The following CAPZA1 variants were observed in gnomAD, a reference collection of about 807,000 sequenced individuals.
CAPZA1 encodes the protein capping actin protein of muscle Z-line subunit alpha 1, also known as F-actin-capping protein subunit alpha-1.
CAPZA1 carries 10 observed loss-of-function variants against 40.8 expected under a neutral mutation model. The ratio of observed to expected loss-of-function variants is 0.25; its 90% CI spans 0.15 to 0.42. The LOEUF (loss-of-function observed/expected upper bound fraction) is 0.42, where lower values mean the gene tolerates loss of function less well. Ranked by LOEUF, CAPZA1 falls within the 10% of genes least tolerant of loss-of-function variation. The pLI, the probability that CAPZA1 is intolerant of heterozygous loss-of-function variation, is 1.00. For synonymous variants in CAPZA1, 98 were observed against 115.0 expected, an observed-to-expected ratio of 0.85 and a Z score of 0.95; for missense variants, 277 against 353.8, an observed-to-expected ratio of 0.78 and a Z score of 1.74.
intron 1 of CAPZA1, among the ~76,000 whole-genome samples, chr1:112,630,446 C>T (rs1192661420): frequency 2.0e-5 from 3 of 152,046 alleles, no homozygotes; most frequent in African/African-American, 7.2e-5. Flanking sequence ...CAGGTTCAAG[C>T]GATTCTCCTG....
At chr1:112,624,023 A>AAAAG (rs1670746416) in intron 1 of CAPZA1, among the ~76,000 whole-genome samples, 1 of 150,026 alleles carries the variant, frequency 6.7e-6, no homozygotes, top group African/African-American at 2.5e-5. Flanking sequence ...AAAAAAAAGA[A>AAAAG]AAAAGAAAAG....
intron 3 of CAPZA1, among the ~76,000 whole-genome samples, chr1:112,650,457 C>T (rs1671363650): frequency 6.6e-6 from 1 of 152,186 alleles, no homozygotes; most frequent in African/African-American, 2.4e-5. Flanking sequence ...CGGAGATATA[C>T]TCTAATGATG....
intron 7 of CAPZA1, among the ~76,000 whole-genome samples, chr1:112,663,074 C>T (rs539529802): frequency 6.6e-6 from 1 of 152,164 alleles, no homozygotes; most frequent in Non-Finnish European, 1.5e-5. Context: ...AAGCGATTCT[C>T]CTGCCTCAGT....
At chr1:112,653,684 G>C in intron 4 of CAPZA1, 23 bp downstream of exon 4, 1 of 1,484,378 alleles carries the variant, frequency 6.7e-7, no homozygotes. Context: ...TTTTAGACAG[G>C]CTATGCCTGG....
At position 112,636,679 on chromosome 1, in the gene CAPZA1, T is replaced by A. The variant is rs1671025996; in HGVS notation, c.40-10531T>A. Among the ~76,000 whole-genome samples the A allele has an allele frequency of 1.3e-5, 2 of 152,146 alleles. 1 individual carries two copies. Among genetic ancestry groups the A allele is most frequent in the South Asian group, 4.1e-4 (2 of 4,832 alleles). Reference sequence around the variant, plus strand: ...TCAACTAAAACCTTCATATTAGTGATTCTCAAGTTAGAGGAGCTGACATAC... The same window carrying A: ...TCAACTAAAACCTTCATATTAGTGAATCTCAAGTTAGAGGAGCTGACATAC... On this transcript the variant is annotated intron_variant, in intron 1 of 9. Coordinates refer to ENST00000263168, the MANE Select transcript of CAPZA1 (RefSeq NM_006135.3).
At chr1:112,635,076 A>C (rs1670989777) in intron 1 of CAPZA1, among the ~76,000 whole-genome samples, 1 of 152,312 alleles carries the variant, frequency 6.6e-6, no homozygotes, top group African/African-American at 2.4e-5. Context: ...TCCCAAAAAA[A>C]CTTGAGTCTT....
chr1:112,649,520 CTA>C (rs757462203), intron 3 of CAPZA1, 51 bp downstream of exon 3: 12 of 1,393,710 alleles, frequency 8.6e-6, no homozygotes, highest in Non-Finnish European at 1.2e-5. Flanking sequence ...ATTGGATAAA[CTA>C]TGTTGACAGT....
intron 1 of CAPZA1, among the ~76,000 whole-genome samples, chr1:112,632,825 A>T (rs1479362550): frequency 6.6e-6 from 1 of 152,242 alleles, no homozygotes; most frequent in Non-Finnish European, 1.5e-5. Flanking sequence ...CTACTAATAG[A>T]GAAAACAATT....
At chr1:112,649,629 C>T (rs955562391) in intron 3 of CAPZA1, 160 bp downstream of exon 3, 22 of 632,374 alleles carry the variant, frequency 3.5e-5, no homozygotes, top group Non-Finnish European at 4.7e-5. Flanking sequence ...AAAACATGTT[C>T]CCCCAATTGT....
At chr1:112,665,300 C>A (rs1671704226) in intron 7 of CAPZA1, among the ~76,000 whole-genome samples, 3 of 151,674 alleles carry the variant, frequency 2.0e-5, no homozygotes, top group Non-Finnish European at 4.4e-5. Flanking sequence ...CCTCAGCCTC[C>A]CAAGTAGCTG....
intron 7 of CAPZA1, among the ~76,000 whole-genome samples, chr1:112,665,974 C>A: frequency 6.6e-6 from 1 of 152,272 alleles, no homozygotes; most frequent in East Asian, 1.9e-4. Flanking sequence ...TTCCTTTTCC[C>A]GTGTGTCACC....
rs1411226564 is a variant in CAPZA1, at chr1:112,667,024, G to A, written c.586-50G>A. The A allele has an allele frequency of 3.1e-6, 4 of 1,311,110 alleles. No individual in the cohort carries two copies. In the African/African-American group the frequency reaches 4.4e-5, roughly 14 times the overall value. The allele number at this position is 1,311,110 out of a possible 1,614,324, so 81.2% of individuals were successfully genotyped here. On this transcript the variant is annotated intron_variant, in intron 7 of 9. Coordinates refer to ENST00000263168, the MANE Select transcript of CAPZA1 (RefSeq NM_006135.3). The stretch of plus-strand genomic sequence containing the variant: ...GCATGGATTTGTGTCCTAAATAACA[G>A]GTTTCTCTATGAACTTCCCCTAAAA...
At chr1:112,649,871 A>G (rs750454291) in intron 3 of CAPZA1, 57 of 178,168 alleles carry the variant, frequency 3.2e-4, no homozygotes, top group Non-Finnish European at 5.6e-4. Flanking sequence ...GTTAAAATTA[A>G]CCATAAGATA....
chr1:112,654,769 A>G (rs1056004609), intron 5 of CAPZA1, 98 bp downstream of exon 5: 1 of 735,832 alleles, frequency 1.4e-6, no homozygotes, highest in African/African-American at 1.7e-5. Flanking sequence ...CTTTCTTCTT[A>G]GCCATGCTCT....
At chr1:112,667,647 C>T (rs1671748837) in intron 8 of CAPZA1, among the ~76,000 whole-genome samples, 1 of 152,172 alleles carries the variant, frequency 6.6e-6, no homozygotes, top group South Asian at 2.1e-4. Context: ...GATCCTCCCA[C>T]CTCAGCCTCC....
intron 5 of CAPZA1, 79 bp from the exon 6 acceptor site, chr1:112,658,943 C>T: frequency 9.7e-7 from 1 of 1,029,306 alleles, no homozygotes; most frequent in Non-Finnish European, 1.5e-6. Context: ...AAGGATTTAA[C>T]ACTCTGCTTT....
intron 1 of CAPZA1, 84 bp downstream of exon 1, chr1:112,619,967 TC>T: frequency 1.8e-6 from 2 of 1,136,264 alleles, no homozygotes; most frequent in Non-Finnish European, 2.6e-6. Flanking sequence ...CCTAGCAGTG[TC>T]CCCAGGAAAA....
chr1:112,639,979 C>T (rs866244705), intron 1 of CAPZA1, among the ~76,000 whole-genome samples: 930 of 84,876 alleles, frequency 0.011, 7 homozygotes, highest in African/African-American at 0.036. Context: ...GTCAGCCCCC[C>T]GCCCGGCCAG....
At chr1:112,639,046 AAGG>A (rs1423328643) in intron 1 of CAPZA1, among the ~76,000 whole-genome samples, 1 of 149,518 alleles carries the variant, frequency 6.7e-6, no homozygotes, top group Non-Finnish European at 1.5e-5. Flanking sequence ...CTACTACTTA[AAGG>A]TATTTTTGTG....
Sources: gnomAD v4.1 joint callset for allele counts (sites outside exome capture counted in the v4.1 genomes callset) on GRCh38, gnomAD v4.1.1 for gene constraint, MANE v1.5 for transcripts, NCBI Gene and HGNC (gene_info 2026-07-23, HGNC 2026-07-21) for gene names.